The following CATSPER2 variants were observed in gnomAD, a reference collection of about 807,000 sequenced individuals.
CATSPER2 encodes cation channel sperm associated 2, also known as cation channel sperm-associated protein 2.
CATSPER2 carries 56 observed loss-of-function variants against 68.8 expected under a neutral mutation model. That is an observed-to-expected ratio of 0.81 (90% CI 0.66 to 1.02). The LOEUF (loss-of-function observed/expected upper bound fraction) is 1.02, where lower values mean the gene tolerates loss of function less well. CATSPER2 is among the 50% of genes least tolerant of loss of function. The probability of loss-of-function intolerance (pLI) is 0.00; values close to 1 mark genes in which losing one functional copy is unlikely to be tolerated. For missense variants in CATSPER2, 582 were observed against 642.0 expected, an observed-to-expected ratio of 0.91 and a Z score of 1.01; for synonymous variants, 198 against 229.9, an observed-to-expected ratio of 0.86 and a Z score of 1.26.
rs1347404671 is a variant in CATSPER2, at chr15:43,628,893, G to C, written c.*1808C>G. 1 of 145,316 alleles carries C rather than the reference G, an allele frequency of 6.9e-6. No homozygotes were observed. Among genetic ancestry groups the C allele is most frequent in the Non-Finnish European group, 1.5e-5 (1 of 67,148 alleles). 9.0% of individuals were successfully genotyped at this position (145,316 alleles called of 1,614,324 possible). On this transcript the variant is annotated 3_prime_UTR_variant, in exon 13 of 13. Coordinates refer to ENST00000396879, the MANE Select transcript of CATSPER2 (RefSeq NM_172095.4). ...TGAATTTTTACATCTGTATATACCG[G>C]TGTAACCACCATGCAGATCAAGATA... is the stretch of plus-strand genomic sequence containing the variant.
chr15:43,645,629 T>A (rs1440398160), intron 4 of CATSPER2, among the ~76,000 whole-genome samples: 3 of 151,446 alleles, frequency 2.0e-5, no homozygotes, highest in Non-Finnish European at 4.4e-5. Flanking sequence ...TCTACAAAAA[T>A]AAAATCAACA....
At position 43,632,262 on chromosome 15, in the gene CATSPER2, A is replaced by T; in HGVS notation, c.1498T>A (p.Phe500Ile). Residue 500 changes from phenylalanine to isoleucine, a missense_variant, in exon 12 of 13, where the codon TTT becomes ATT. Around this residue, in one of 5 missense-constraint regions of CATSPER2, gnomAD observed 235 missense variants for 264.2 expected, o/e 0.89. Coordinates refer to ENST00000396879, the MANE Select transcript of CATSPER2 (RefSeq NM_172095.4). ...TACTGAAGCTTTTCTAGCAACTCAAAATATCGGAAGAGTGAGTCTCTGGGC... is the reference window on the plus strand; with the variant it reads ...TACTGAAGCTTTTCTAGCAACTCAATATATCGGAAGAGTGAGTCTCTGGGC... ...VWPRDSLFRY[F>I]ELLEKLQYNL... The T allele has an allele frequency of 6.2e-7, 1 of 1,613,632 alleles. No individual in the cohort carries two copies. Among genetic ancestry groups the T allele is most frequent in the Non-Finnish European group, 8.5e-7 (1 of 1,179,770 alleles).
At chr15:43,632,558 G>A in intron 11 of CATSPER2, 159 bp downstream of exon 11, 1 of 1,497,686 alleles carries the variant, frequency 6.7e-7, no homozygotes, top group East Asian at 2.3e-5. Flanking sequence ...CCGAAGTGAA[G>A]AAGAAGTACA....
chr15:43,635,260 T>C (rs922355319), intron 10 of CATSPER2, 100 bp downstream of exon 10: 71 of 1,093,084 alleles, frequency 6.5e-5, no homozygotes, highest in Non-Finnish European at 9.7e-5. Flanking sequence ...ATGCAGTTAT[T>C]AAATGAATGA....
Position 43,630,583 on chromosome 15 carries a change from T to C in CATSPER2, c.*118A>G. Reference sequence around the variant, plus strand: ...CGCCTGGCCTAGACACTTATACTTTTTAATTTTAATGAACAGACATTGTTC... The same window carrying C: ...CGCCTGGCCTAGACACTTATACTTTCTAATTTTAATGAACAGACATTGTTC... On this transcript the variant is annotated 3_prime_UTR_variant, in exon 13 of 13. Coordinates refer to ENST00000396879, the MANE Select transcript of CATSPER2 (RefSeq NM_172095.4). 1 of 1,600,566 alleles carries C rather than the reference T, an allele frequency of 6.2e-7. No individual in the cohort carries two copies. The highest frequency in any genetic ancestry group is 1.1e-5 in the South Asian group (1 of 90,100).
At chr15:43,647,757 G>A (rs1190955918) in intron 2 of CATSPER2, among the ~76,000 whole-genome samples, 160 bp downstream of exon 2, 1 of 151,980 alleles carries the variant, frequency 6.6e-6, no homozygotes, top group Non-Finnish European at 1.5e-5. Flanking sequence ...GCCTAAAAGT[G>A]AAAGACGTGG....
chr15:43,637,274 T>C (rs1329234462), intron 7 of CATSPER2, among the ~76,000 whole-genome samples: 4 of 151,996 alleles, frequency 2.6e-5, no homozygotes, highest in Admixed American at 1.3e-4. Flanking sequence ...TATGAAATGA[T>C]ACCCAAGCAA....
At position 43,632,751 on chromosome 15, in the gene CATSPER2, A is replaced by G; in HGVS notation, c.1362T>C (p.Ser454=). ...CAGAAAATCTGGATTCAGAAGAGGAAGAATAGGAAGAGGATGTGGAGGAGA... is the reference window on the plus strand; with the variant it reads ...CAGAAAATCTGGATTCAGAAGAGGAGGAATAGGAAGAGGATGTGGAGGAGA... ...SCVSSTSSSY[S]SSSESRFSES... Residue 454 remains serine, a synonymous_variant, in exon 11 of 13, where the codon TCT becomes TCC. Coordinates refer to ENST00000396879, the MANE Select transcript of CATSPER2 (RefSeq NM_172095.4). 9.3e-6 allele frequency: 15 copies of G among 1,613,632 alleles called. No homozygotes were observed. The highest frequency in any genetic ancestry group is 1.3e-5 in the Non-Finnish European group (15 of 1,179,752).
rs755799770 is a variant in CATSPER2 at position 43,647,482 on chromosome 15, A to G, written c.146-15T>C. ...GCGGGAAGGATCTACAACAAAAATT[A>G]AAAAGGGATAGTGGATAAATACAAA... On this transcript the variant is annotated splice_polypyrimidine_tract_variant and intron_variant, in intron 2 of 12. Coordinates refer to ENST00000396879, the MANE Select transcript of CATSPER2 (RefSeq NM_172095.4). The G allele has an allele frequency of 2.7e-5, 43 of 1,611,076 alleles. 2 individuals carry two copies. The highest frequency in any genetic ancestry group is 2.0e-4 in the Admixed American group (12 of 59,980).
At chr15:43,634,663 T>G (rs1595972472) in intron 10 of CATSPER2, 2 of 152,992 alleles carry the variant, frequency 1.3e-5, no homozygotes, top group South Asian at 2.1e-4. Context: ...ACAAGTATAA[T>G]CCACCTCATC....
chr15:43,641,114 T>G (rs1484129622), intron 4 of CATSPER2, among the ~76,000 whole-genome samples: 1 of 138,382 alleles, frequency 7.2e-6, no homozygotes, highest in African/African-American at 3.3e-5. Flanking sequence ...TTTTGTTTTT[T>G]GTTTTTTGTT....
At position 43,637,277 on chromosome 15, in the gene CATSPER2, C is replaced by G. The variant is rs570597493; in HGVS notation, c.843-1058G>C. 4.9e-4 allele frequency among the ~76,000 whole-genome samples: 75 copies of G among 151,538 alleles called. 1 individual carries two copies. Among genetic ancestry groups the G allele is most frequent in the African/African-American group, 1.6e-3 (68 of 41,276 alleles). ...TTAGTTTGCTGGTATGAAATGATAC[C>G]CAAGCAAATGGGTATGTTACATAAA... On this transcript the variant is annotated intron_variant, in intron 7 of 12. Transcript: ENST00000396879.
Position 43,648,651 on chromosome 15 carries a change from C to A in CATSPER2, c.-25G>T, listed in dbSNP as rs2086218617. ...CACCTCAGCCCAGGTTCTCTTTGCC[C>A]ACTCAGTCCTTATTTCACGCTTCCG... On this transcript the variant is annotated 5_prime_UTR_variant, in exon 1 of 13. Transcript: ENST00000396879. The A allele has an allele frequency of 3.6e-6, 5 of 1,401,782 alleles. No homozygotes were observed. The highest frequency in any genetic ancestry group is 2.8e-6 in the Non-Finnish European group (3 of 1,081,778). The allele number at this position is 1,401,782 out of a possible 1,614,324, so 86.8% of individuals were successfully genotyped here. A position where few individuals can be genotyped will look rare whatever the true frequency, so the allele number is the denominator to read the frequency against.
intron 4 of CATSPER2, among the ~76,000 whole-genome samples, chr15:43,640,862 C>A (rs1340963301): frequency 2.0e-5 from 3 of 151,706 alleles, no homozygotes; most frequent in Admixed American, 2.0e-4. Context: ...CCAAAGTTCA[C>A]AAGAAAGCAA....
chr15:43,635,611 C>T (rs935008887), intron 9 of CATSPER2, 116 bp downstream of exon 9: 8 of 1,083,136 alleles, frequency 7.4e-6, no homozygotes, highest in Admixed American at 1.9e-5. Context: ...GAATTCTTAT[C>T]CTTGGGGGCA....
chr15:43,628,758 G>A lies in CATSPER2; in HGVS notation c.*1943C>T, dbSNP rs990297643. On this transcript the variant is annotated 3_prime_UTR_variant, in exon 13 of 13. Transcript: ENST00000396879. The stretch of plus-strand genomic sequence containing the variant: ...ACCTCAACAATTTGTTCAGACGTAA[G>A]CATATGACCTAACTTCTTGGTCCAA... 5 of 127,936 alleles carry A rather than the reference G, an allele frequency of 3.9e-5. 1 individual carries two copies. Among genetic ancestry groups the A allele is most frequent in the African/African-American group, 1.9e-4 (5 of 26,652 alleles). 7.9% of individuals were successfully genotyped at this position (127,936 alleles called of 1,614,324 possible).
Position 43,635,513 on chromosome 15 carries a change from T to C in CATSPER2, c.1122-97A>G, listed in dbSNP as rs963971053. 48 of 1,356,744 alleles carry C rather than the reference T, an allele frequency of 3.5e-5. 1 individual carries two copies. Among genetic ancestry groups the C allele is most frequent in the Non-Finnish European group, 4.8e-5 (46 of 959,654 alleles). 84.0% of individuals were successfully genotyped at this position (1,356,744 alleles called of 1,614,324 possible). On this transcript the variant is annotated intron_variant, in intron 9 of 12. Transcript: ENST00000396879. ...CATATCAGAAAGTGAAGAAAACTAATTGGGGAGAACAAATTGTAGTCAAGG... is the reference window on the plus strand; with the variant it reads ...CATATCAGAAAGTGAAGAAAACTAACTGGGGAGAACAAATTGTAGTCAAGG...
At chr15:43,632,678 C>G (rs1269235991) in intron 11 of CATSPER2, 39 bp downstream of exon 11, 1 of 1,611,782 alleles carries the variant, frequency 6.2e-7, no homozygotes, top group Non-Finnish European at 8.5e-7. Context: ...AGTCTGAATT[C>G]AAATGGAAAA....
chr15:43,644,957 G>A (rs916596289), intron 4 of CATSPER2, among the ~76,000 whole-genome samples: 9 of 152,010 alleles, frequency 5.9e-5, no homozygotes, highest in Non-Finnish European at 7.4e-5. Flanking sequence ...TCACCATTAC[G>A]AGGAGGAAAT....
Sources: allele counts gnomAD v4.1 joint callset (sites outside exome capture counted in the v4.1 genomes callset), GRCh38; gene constraint gnomAD v4.1.1; regional missense constraint gnomAD v4.1.1; transcripts MANE v1.5; gene names NCBI Gene and HGNC (gene_info 2026-07-23, HGNC 2026-07-21).